The following DNAH9 variants were observed in gnomAD, a reference collection of about 807,000 sequenced individuals.
DNAH9 encodes dynein axonemal heavy chain 9, also known as DNAH9 variant protein.
DNAH9 carries 345 observed loss-of-function variants against 471.6 expected under a neutral mutation model. The observed-to-expected ratio is 0.73, with a 90% CI of 0.67 to 0.80. The LOEUF is 0.80. Among genes scored for constraint, DNAH9 ranks in the 30% least tolerant of loss-of-function variants. DNAH9 has a pLI of 0.00. For missense variants in DNAH9, 5,407 were observed against 5,609.2 expected, an observed-to-expected ratio of 0.96 and a Z score of 1.15; for synonymous variants, 2,093 against 2,123.6, an observed-to-expected ratio of 0.99 and a Z score of 0.40.
At chr17:11,850,111 A>T (rs1434172983) in intron 49 of DNAH9, among the ~76,000 whole-genome samples, 1 of 152,198 alleles carries the variant, frequency 6.6e-6, no homozygotes, top group Non-Finnish European at 1.5e-5. Context: ...GCTGTGGGGA[A>T]AAAAGAAAAA....
rs1481413906 is a variant in DNAH9, at chr17:11,854,200, G to A, written c.9705G>A (p.Glu3235=). Residue 3235 remains glutamate (E), a synonymous_variant, in exon 50 of 69, where the codon GAG becomes GAA. Coordinates refer to ENST00000262442, the MANE Select transcript of DNAH9 (RefSeq NM_001372.4). ...ACTTCAACAAAGAGAACATTCACGAGAACTGCCTCAAAGCCATCAGGCCGT... is the reference window on the plus strand; with the variant it reads ...ACTTCAACAAAGAGAACATTCACGAAAACTGCCTCAAAGCCATCAGGCCGT... ...LINFNKENIH[E]NCLKAIRPYL... 2 of 1,614,046 alleles carry A rather than the reference G, an allele frequency of 1.2e-6. No homozygotes were observed. Among genetic ancestry groups the A allele is most frequent in the Non-Finnish European group, 1.7e-6 (2 of 1,180,042 alleles).
At chr17:11,655,459 G>T (rs918607809) in intron 14 of DNAH9, among the ~76,000 whole-genome samples, 4 of 151,350 alleles carry the variant, frequency 2.6e-5, no homozygotes, top group African/African-American at 9.7e-5. Context: ...CTGTTCAGTG[G>T]TTTTTGTCTA....
intron 17 of DNAH9, among the ~76,000 whole-genome samples, chr17:11,670,001 T>C (rs190901079): frequency 5.8e-4 from 88 of 152,298 alleles, no homozygotes; most frequent in Middle Eastern, 6.8e-3. Flanking sequence ...TTTGTTTTGT[T>C]TTCTGTTTCA....
intron 59 of DNAH9, among the ~76,000 whole-genome samples, chr17:11,897,020 G>A (rs1308774642): frequency 6.6e-6 from 1 of 152,198 alleles, no homozygotes; most frequent in Non-Finnish European, 1.5e-5. Flanking sequence ...AACCTGGGAG[G>A]TGGAGGTTGA....
chr17:11,608,266 G>T lies in DNAH9; in HGVS notation c.555G>T (p.Leu185Phe), dbSNP rs753673564. ...TTGAGCAAGTGAAGGGAAAAACTTTGCTGCCTCTTCCAGCAGGCTCAGAAA... is the reference window on the plus strand; with the variant it reads ...TTGAGCAAGTGAAGGGAAAAACTTTTCTGCCTCTTCCAGCAGGCTCAGAAA... ...VILEQVKGKTLLPLPAGSEKM... is the reference protein window; with the variant it reads ...VILEQVKGKTFLPLPAGSEKM... Residue 185 changes from leucine to phenylalanine, a missense_variant, in exon 2 of 69, where the codon TTG becomes TTT. By Grantham distance (22) the Leu-to-Phe change is conservative (BLOSUM62 0). Around this residue, in one of 3 missense-constraint regions of DNAH9, gnomAD observed 767 missense variants for 692.5 expected, o/e 1.11. Coordinates refer to ENST00000262442, the MANE Select transcript of DNAH9 (RefSeq NM_001372.4). 1.2e-6 allele frequency: 2 copies of T among 1,613,790 alleles called. No homozygotes were observed. Among genetic ancestry groups the T allele is most frequent in the African/African-American group, 1.3e-5 (1 of 75,058 alleles).
intron 10 of DNAH9, among the ~76,000 whole-genome samples, chr17:11,640,926 C>T (rs1214133876): frequency 5.9e-5 from 9 of 152,150 alleles, no homozygotes; most frequent in Admixed American, 5.9e-4. Context: ...TGGAAACCCT[C>T]AGCTTGCTTC....
At position 11,699,816 on chromosome 17, in the gene DNAH9, G is replaced by A; in HGVS notation, c.4958G>A (p.Ser1653Asn). The A allele has an allele frequency of 1.9e-6, 3 of 1,614,174 alleles. No homozygotes were observed. The highest frequency in any genetic ancestry group is 2.5e-6 in the Non-Finnish European group (3 of 1,179,996). The change falls in exon 23 of 69, where the codon AGC becomes AAC. Residue 1653 changes from serine (S) to asparagine (N), a missense_variant. Around this residue, in one of 3 missense-constraint regions of DNAH9, gnomAD observed 4,636 missense variants for 4,900.3 expected, o/e 0.95. Coordinates refer to ENST00000262442, the MANE Select transcript of DNAH9 (RefSeq NM_001372.4). ...LDASGEPTKT[S>N]LGMYSKEEEY... ...GCCAGTGGGGAACCAACCAAGACAA[G>A]CCTCGGCATGTACAGCAAAGAAGAG...
intron 33 of DNAH9, among the ~76,000 whole-genome samples, chr17:11,754,792 T>C (rs1967305064): frequency 6.6e-6 from 1 of 152,242 alleles, no homozygotes; most frequent in South Asian, 2.1e-4. Flanking sequence ...CTGTTCACTC[T>C]ATTGATCATT....
In DNAH9 at chr17:11,884,582, C is replaced by T. The variant is rs1455287027; in HGVS notation, c.10971+832C>T. ...TGAAAGACTTCGTTCTAGGTAGAGA[C>T]AAGGTAGGAAATATGAAAAGCAATG... On this transcript the variant is annotated intron_variant, in intron 56 of 68. Coordinates refer to ENST00000262442, the MANE Select transcript of DNAH9 (RefSeq NM_001372.4). The T allele has an allele frequency of 1.1e-4, 49 of 455,894 alleles. 1 individual carries two copies. Among genetic ancestry groups the T allele is most frequent in the Non-Finnish European group, 8.8e-6 (2 of 226,886 alleles). The allele number at this position is 455,894 out of a possible 1,614,324, so 28.2% of individuals were successfully genotyped here.
At chr17:11,625,076 GCACACACACA>G (rs3039431) in intron 6 of DNAH9, among the ~76,000 whole-genome samples, 1 of 149,960 alleles carries the variant, frequency 6.7e-6, no homozygotes, top group African/African-American at 2.4e-5. Flanking sequence ...ATGCATCAGT[GCACACACACA>G]CACACACACA....
chr17:11,907,405 G>A (rs753224210), intron 61 of DNAH9, among the ~76,000 whole-genome samples: 8 of 151,902 alleles, frequency 5.3e-5, no homozygotes, highest in Non-Finnish European at 7.4e-5. Flanking sequence ...AGGAGTCAGA[G>A]GTTGCAGTGA....
Position 11,704,376 on chromosome 17 carries a change from G to A in DNAH9, c.5325G>A (p.Lys1775=), listed in dbSNP as rs2074660054. 1.2e-6 allele frequency: 2 copies of A among 1,614,148 alleles called. No homozygotes were observed. The stretch of plus-strand genomic sequence containing the variant: ...AGCTCTCCAAGGGAGACCGGCAGAA[G>A]ATTATGACTATATGCACCATCGATG... ...IGQLSKGDRQ[K]IMTICTIDVH... Residue 1775 remains lysine (K), a synonymous_variant, in exon 25 of 69, where the codon AAG becomes AAA. Transcript: ENST00000262442.
At chr17:11,931,636 C>T (rs1974512041) in intron 63 of DNAH9, among the ~76,000 whole-genome samples, 1 of 152,140 alleles carries the variant, frequency 6.6e-6, no homozygotes, top group South Asian at 2.1e-4. Flanking sequence ...GCAAGAAAAG[C>T]ATGGTAGGAA....
At chr17:11,737,215 C>T (rs149327008) in intron 28 of DNAH9, among the ~76,000 whole-genome samples, 4 of 152,192 alleles carry the variant, frequency 2.6e-5, no homozygotes, top group African/African-American at 9.7e-5. Flanking sequence ...CAGTCATTAG[C>T]GCTTCACTCT....
chr17:11,745,180 G>T (rs1597582446), intron 31 of DNAH9, 96 bp downstream of exon 31: 2 of 1,082,816 alleles, frequency 1.8e-6, no homozygotes, highest in African/African-American at 3.1e-5. Flanking sequence ...GGTTGTTTTA[G>T]ATGTACAAAT....
chr17:11,688,868 C>T (rs1487421675), intron 19 of DNAH9, among the ~76,000 whole-genome samples: 7 of 151,986 alleles, frequency 4.6e-5, no homozygotes, highest in East Asian at 1.9e-4. Context: ...GAGGCCAAGG[C>T]GGGTGGATCA....
At chr17:11,769,487 C>T (rs546479900) in intron 38 of DNAH9, among the ~76,000 whole-genome samples, 158 bp downstream of exon 38, 1 of 152,320 alleles carries the variant, frequency 6.6e-6, no homozygotes, top group East Asian at 1.9e-4. Flanking sequence ...TCTCCCTACA[C>T]ACCTCTTTCT....
chr17:11,763,733 A>G (rs1425896204), intron 36 of DNAH9, 119 bp downstream of exon 36: 3 of 980,584 alleles, frequency 3.1e-6, no homozygotes, highest in Non-Finnish European at 4.5e-6. Context: ...GAAAGCAGCA[A>G]ACTATTTAGT....
intron 55 of DNAH9, chr17:11,883,213 TAGAG>T (rs1247920887): frequency 2.3e-5 from 23 of 1,000,094 alleles, no homozygotes; most frequent in Admixed American, 1.1e-4. Flanking sequence ...AAATTGGTAA[TAGAG>T]AGAACTCTCC....
Sources: gnomAD v4.1 joint callset for allele counts (sites outside exome capture counted in the v4.1 genomes callset) on GRCh38, gnomAD v4.1.1 for gene constraint, gnomAD v4.1.1 regional missense constraint, MANE v1.5 for transcripts, NCBI Gene and HGNC (gene_info 2026-07-23, HGNC 2026-07-21) for gene names.